The following HOXA7 variants were observed in gnomAD, a reference collection of about 807,000 sequenced individuals.
The protein encoded by HOXA7 is homeobox protein Hox-A7.
HOXA7 carries 16 observed loss-of-function variants against 16.8 expected under a neutral mutation model. That is an observed-to-expected ratio of 0.95 (90% CI 0.64 to 1.44). The LOEUF is 1.44. Ranked by LOEUF, HOXA7 falls within the 40% of genes most tolerant of loss-of-function variation. The pLI is 0.00. For synonymous variants in HOXA7, 169 were observed against 144.3 expected, an observed-to-expected ratio of 1.17 and a Z score of -1.23; for missense variants, 379 against 328.6, an observed-to-expected ratio of 1.15 and a Z score of -1.19.
chr7:27,155,151 A>G lies in HOXA7; in HGVS notation c.451T>C (p.Phe151Leu). ...CGGCGCCGCGTCAGGTAGCGGTTGA[A>G]GTGGAACTCCTTCTCCAGCTCCAGC... Reference protein sequence around the residue: ...QTLELEKEFHFNRYLTRRRRI... With the variant: ...QTLELEKEFHLNRYLTRRRRI... The change falls in exon 2 of 2, where the codon TTC becomes CTC. Residue 151 changes from phenylalanine to leucine, a missense_variant. Transcript: ENST00000242159. 4 of 1,614,240 alleles carry G rather than the reference A, an allele frequency of 2.5e-6. No homozygotes were observed. The South Asian group carries it at 3.3e-5, about 13-fold the overall frequency.
In HOXA7 at chr7:27,156,172, G is replaced by T; in HGVS notation, c.374C>A (p.Ser125Tyr). ...ANFRIYPWMR[S>Y]SGPDRKRGRQ... ...CGCCTAGCGACTGCGCCTACCTGAA[G>T]ACCGCATCCAGGGGTAGATGCGGAA... Residue 125 changes from serine to tyrosine, a missense_variant, in exon 1 of 2, where the codon TCT (serine) becomes TAT (tyrosine). Physicochemically the swap from Ser to Tyr is moderately radical, Grantham distance 144 (BLOSUM62 -2). Transcript: ENST00000242159. 6.4e-7 allele frequency: 1 copy of T among 1,557,804 alleles called. No homozygotes were observed. Among genetic ancestry groups the T allele is most frequent in the South Asian group, 1.2e-5 (1 of 86,024 alleles).
chr7:27,156,390 C>T lies in HOXA7; in HGVS notation c.156G>A (p.Pro52=). The T allele has an allele frequency of 1.2e-6, 2 of 1,613,778 alleles. No individual in the cohort carries two copies. The highest frequency in any genetic ancestry group is 1.7e-6 in the Non-Finnish European group (2 of 1,179,802). Residue 52 remains proline, a synonymous_variant, in exon 1 of 2, where the codon CCG becomes CCA. Coordinates refer to ENST00000242159, the MANE Select transcript of HOXA7 (RefSeq NM_006896.4). ...GGGGGCTGTTGACATTGTATAAGCC[C>T]GGAACGGTCGAGGCGAAGGCGCCGG... is the stretch of plus-strand genomic sequence containing the variant. ...AGAGAFASTV[P]GLYNVNSPLY...
At chr7:27,156,135 G>T in intron 1 of HOXA7, 32 bp downstream of exon 1, 1 of 1,447,410 alleles carries the variant, frequency 6.9e-7, no homozygotes, top group Non-Finnish European at 9.1e-7. Flanking sequence ...GTCCCGCTCC[G>T]CCAGCCTGGC....
intron 1 of HOXA7, 168 bp from the exon 2 acceptor site, chr7:27,155,390 G>T: frequency 1.5e-6 from 1 of 649,434 alleles, no homozygotes. Context: ...GAGTGTTAGG[G>T]AAAGACCCCA....
Position 27,156,552 on chromosome 7 carries a change from G to C in HOXA7, c.-7C>G. The stretch of plus-strand genomic sequence containing the variant: ...CATAATACGAAGAACTCATAATTTT[G>C]ACCTGTGATTTGTTGTCCGGCAGCT... On this transcript the variant is annotated 5_prime_UTR_variant, in exon 1 of 2. The change creates a premature stop within an existing upstream ORF in the 5' untranslated region. Coordinates refer to ENST00000242159, the MANE Select transcript of HOXA7 (RefSeq NM_006896.4). The C allele has an allele frequency of 6.4e-7, 1 of 1,561,092 alleles. No individual in the cohort carries two copies. Among genetic ancestry groups the C allele is most frequent in the Non-Finnish European group, 8.7e-7 (1 of 1,150,564 alleles).
chr7:27,155,130 G>A lies in HOXA7; in HGVS notation c.472C>T (p.Arg158Cys), dbSNP rs769491087. The A allele has an allele frequency of 1.5e-5, 25 of 1,614,258 alleles. No homozygotes were observed. The highest frequency in any genetic ancestry group is 1.9e-5 in the Non-Finnish European group (23 of 1,180,050). The change falls in exon 2 of 2, where the codon CGC becomes TGC. Residue 158 changes from arginine (R) to cysteine (C), a missense_variant. Transcript: ENST00000242159. Reference protein sequence around the residue: ...EFHFNRYLTRRRRIEIAHALC... With the variant: ...EFHFNRYLTRCRRIEIAHALC... The stretch of plus-strand genomic sequence containing the variant: ...GCGTGGGCGATTTCAATGCGGCGGC[G>A]CCGCGTCAGGTAGCGGTTGAAGTGG...
At chr7:27,155,542 G>A (rs982793295) in intron 1 of HOXA7, 2 of 363,816 alleles carry the variant, frequency 5.5e-6, no homozygotes, top group South Asian at 1.0e-4. Flanking sequence ...TAGAGTGTGA[G>A]CAAGTGGGAA....
intron 1 of HOXA7, 59 bp downstream of exon 1, chr7:27,156,093 CGCGCTCCCCAGCGCT>C (rs996182724): frequency 2.1e-4 from 284 of 1,376,912 alleles, no homozygotes; most frequent in Admixed American, 1.6e-3. Flanking sequence ...CCCCGCGCTC[CGCGCTCCCCAGCGCT>C]GCGCTCCCCG....
Position 27,154,945 on chromosome 7 carries a change from C to T in HOXA7, c.657G>A (p.Glu219=). The T allele has an allele frequency of 6.2e-7, 1 of 1,612,510 alleles. No homozygotes were observed. The highest frequency in any genetic ancestry group is 8.5e-7 in the Non-Finnish European group (1 of 1,178,830). ...CGTCTTCCTCTTCTTCATCATCGTC[C>T]TCCTCGTCGGCCTTGTCCGCGGCAG... ...ATAAADKADE[E]DDDEEEEDEE... Residue 219 remains glutamate, a synonymous_variant, in exon 2 of 2, where the codon GAG becomes GAA. Coordinates refer to ENST00000242159, the MANE Select transcript of HOXA7 (RefSeq NM_006896.4).
At chr7:27,156,106 G>C in intron 1 of HOXA7, 61 bp downstream of exon 1, 1 of 1,411,544 alleles carries the variant, frequency 7.1e-7, no homozygotes, top group South Asian at 1.6e-5. Context: ...GCTCCCCAGC[G>C]CTGCGCTCCC....
chr7:27,154,992 C>CG lies in HOXA7; in HGVS notation c.609dup (p.Val204ArgfsTer19). 1 of 1,613,860 alleles carries CG rather than the reference C, an allele frequency of 6.2e-7. No homozygotes were observed. The highest frequency in any genetic ancestry group is 8.5e-7 in the Non-Finnish European group (1 of 1,179,772). ...GCAGCAGTGGCGGCGGCAGAGGGCACGGCGCCCTCGGGAGCTGCGGCGGCA... is the reference window on the plus strand; with the variant it reads ...GCAGCAGTGGCGGCGGCAGAGGGCACGGGCGCCCTCGGGAGCTGCGGCGGCA... On this transcript the variant is annotated frameshift_variant, in exon 2 of 2. Coordinates refer to ENST00000242159, the MANE Select transcript of HOXA7 (RefSeq NM_006896.4). LOFTEE classifies it low-confidence loss of function (END_TRUNC).
At position 27,156,448 on chromosome 7, in the gene HOXA7, G is replaced by C. The variant is rs761087427; in HGVS notation, c.98C>G (p.Pro33Arg). 1.5e-5 allele frequency: 24 copies of C among 1,613,674 alleles called. No homozygotes were observed. The highest frequency in any genetic ancestry group is 2.7e-5 in the African/African-American group (2 of 74,946). ...CCCGTAGCCGCTTCTCTGTGAGTTG[G>C]GAGCAAAGGAGCAAGAAGTCGGCTC... Reference protein sequence around the residue: ...NAEPTSCSFAPNSQRSGYGAG... With the variant: ...NAEPTSCSFARNSQRSGYGAG... The change falls in exon 1 of 2, where the codon CCC becomes CGC. Residue 33 changes from proline (P) to arginine (R), a missense_variant. Physicochemically the swap from Pro to Arg is moderately radical, Grantham distance 103. Coordinates refer to ENST00000242159, the MANE Select transcript of HOXA7 (RefSeq NM_006896.4).
chr7:27,155,525 G>T, intron 1 of HOXA7: 1 of 440,270 alleles, frequency 2.3e-6, no homozygotes, highest in Non-Finnish European at 4.1e-6. Context: ...AAGGAAAACT[G>T]TAAATATAGA....
rs1439661851 is a variant in HOXA7 at position 27,156,242 on chromosome 7, C to T, written c.304G>A (p.Asp102Asn). ...TGCAGCGCGCCCTCGTCCGTCTTGT[C>T]GCAGGCGCCTTTGGCGAGGTCACTG... ...LCSDLAKGACDKTDEGALHGA... is the reference protein window; with the variant it reads ...LCSDLAKGACNKTDEGALHGA... Residue 102 changes from aspartate to asparagine, a missense_variant, in exon 1 of 2, where the codon GAC becomes AAC. Coordinates refer to ENST00000242159, the MANE Select transcript of HOXA7 (RefSeq NM_006896.4). 1.9e-6 allele frequency: 3 copies of T among 1,608,574 alleles called. No homozygotes were observed. The highest frequency in any genetic ancestry group is 2.5e-6 in the Non-Finnish European group (3 of 1,177,468).
chr7:27,156,112 C>G, intron 1 of HOXA7, 55 bp downstream of exon 1: 2 of 1,417,102 alleles, frequency 1.4e-6, no homozygotes, highest in Non-Finnish European at 1.8e-6. Flanking sequence ...CAGCGCTGCG[C>G]TCCCCGCTCC....
In HOXA7 at chr7:27,156,414, G is replaced by A. The variant is rs755487423; in HGVS notation, c.132C>T (p.Ala44=). 10 of 1,613,472 alleles carry A rather than the reference G, an allele frequency of 6.2e-6. No homozygotes were observed. The highest frequency in any genetic ancestry group is 1.3e-5 in the African/African-American group (1 of 74,952). ...NSQRSGYGAG[A]GAFASTVPGL... ...CCGGAACGGTCGAGGCGAAGGCGCC[G>A]GCGCCCGCCCCGTAGCCGCTTCTCT... The change falls in exon 1 of 2, where the codon GCC becomes GCT. Residue 44 remains alanine, a synonymous_variant. Transcript: ENST00000242159.
intron 1 of HOXA7, chr7:27,155,558 G>A: frequency 3.3e-6 from 1 of 306,416 alleles, no homozygotes; most frequent in Non-Finnish European, 6.1e-6. Context: ...GGGAAACGCT[G>A]CACTTTTGCC....
chr7:27,154,566 G>A lies in HOXA7; in HGVS notation c.*343C>T. 2 of 260,622 alleles carry A rather than the reference G, an allele frequency of 7.7e-6. No individual in the cohort carries two copies. The highest frequency in any genetic ancestry group is 1.5e-5 in the Non-Finnish European group (2 of 136,178). 16.1% of individuals were successfully genotyped at this position (260,622 alleles called of 1,614,324 possible). A position where few individuals can be genotyped will look rare whatever the true frequency, so the allele number is the denominator to read the frequency against. On this transcript the variant is annotated 3_prime_UTR_variant, in exon 2 of 2. Coordinates refer to ENST00000242159, the MANE Select transcript of HOXA7 (RefSeq NM_006896.4). ...AGGCCCTCTGGGGCTGGATACATAG[G>A]TAGTTTGGGGGTGCCTCGAGCAGAG...
At chr7:27,155,292 T>A in intron 1 of HOXA7, 70 bp from the exon 2 acceptor site, 2 of 1,423,596 alleles carry the variant, frequency 1.4e-6, no homozygotes, top group Non-Finnish European at 2.0e-6. Context: ...TAGGCTGCTG[T>A]CCCAGAGCCC....
Sources: allele counts gnomAD v4.1 joint callset, GRCh38; gene constraint gnomAD v4.1.1; transcripts MANE v1.5; gene names NCBI Gene and HGNC (gene_info 2026-07-23, HGNC 2026-07-21).